The following MEF2A variants were observed in gnomAD, a reference collection of about 807,000 sequenced individuals.
MEF2A encodes myocyte enhancer factor 2A.
In MEF2A, 28 loss-of-function variants were observed where a neutral mutation model predicts 55.8. That is an observed-to-expected ratio of 0.50 (90% CI 0.37 to 0.69). The LOEUF (loss-of-function observed/expected upper bound fraction) is 0.69, where lower values mean the gene tolerates loss of function less well. Ranked by LOEUF, MEF2A falls within the 30% of genes least tolerant of loss-of-function variation. The probability of loss-of-function intolerance (pLI) is 0.00; values close to 1 mark genes in which losing one functional copy is unlikely to be tolerated. For missense variants in MEF2A, 528 were observed against 626.2 expected, an observed-to-expected ratio of 0.84 and a Z score of 1.67; for synonymous variants, 239 against 227.1, an observed-to-expected ratio of 1.05 and a Z score of -0.47.
chr15:99,568,090 C>T (rs1455098556), intron 1 of MEF2A, among the ~76,000 whole-genome samples: 2 of 152,110 alleles, frequency 1.3e-5, no homozygotes, highest in Non-Finnish European at 2.9e-5. Context: ...TTAATTCACA[C>T]TATGGTTATA....
At chr15:99,675,060 C>T (rs2051676594) in intron 6 of MEF2A, among the ~76,000 whole-genome samples, 1 of 152,140 alleles carries the variant, frequency 6.6e-6, no homozygotes, top group Non-Finnish European at 1.5e-5. Flanking sequence ...AATGCAGTGT[C>T]TCCTCTCTCT....
chr15:99,567,421 A>C (rs1487305206), intron 1 of MEF2A, among the ~76,000 whole-genome samples: 1 of 152,178 alleles, frequency 6.6e-6, no homozygotes, highest in Non-Finnish European at 1.5e-5. Context: ...CCCTTTAAGA[A>C]TCCAGCTGTG....
intron 2 of MEF2A, among the ~76,000 whole-genome samples, chr15:99,606,893 T>G (rs1975345290): frequency 1.3e-5 from 2 of 152,224 alleles, no homozygotes; most frequent in Admixed American, 1.3e-4. Context: ...GGTAGCTGTT[T>G]GTAATAGCCT....
chr15:99,640,240 A>G (rs1414119570), intron 3 of MEF2A, among the ~76,000 whole-genome samples: 1 of 152,198 alleles, frequency 6.6e-6, no homozygotes, highest in African/African-American at 2.4e-5. Flanking sequence ...ATTGAGACTT[A>G]TCAATAATTG....
intron 2 of MEF2A, among the ~76,000 whole-genome samples, chr15:99,601,807 TTGTGTGTGTGTGTGTGTGTGTGTGTGTG>T (rs56729766): frequency 2.2e-5 from 3 of 138,920 alleles, no homozygotes; most frequent in East Asian, 2.1e-4. Flanking sequence ...TTTGTCTGTT[TTGTGTGTGTGTGTGTGTGTGTGTGTGTG>T]TGTGTGTGTG....
At chr15:99,643,409 TATA>T (rs2045374721) in intron 3 of MEF2A, among the ~76,000 whole-genome samples, 1 of 152,178 alleles carries the variant, frequency 6.6e-6, no homozygotes, top group South Asian at 2.1e-4. Context: ...TATATTTTGT[TATA>T]ATCTAATCTT....
intron 2 of MEF2A, among the ~76,000 whole-genome samples, chr15:99,623,747 T>G (rs1363708458): frequency 1.3e-5 from 2 of 152,198 alleles, no homozygotes; most frequent in Non-Finnish European, 2.9e-5. Flanking sequence ...GGTTATGTTT[T>G]TGTTGAGTTT....
intron 4 of MEF2A, among the ~76,000 whole-genome samples, chr15:99,658,559 A>G (rs575339805): frequency 6.6e-6 from 1 of 152,070 alleles, no homozygotes; most frequent in Non-Finnish European, 1.5e-5. Context: ...AAAGCCCACC[A>G]TCCTTAGATT....
intron 9 of MEF2A, 102 bp downstream of exon 9, chr15:99,703,487 T>G: frequency 8.4e-7 from 1 of 1,185,214 alleles, no homozygotes; most frequent in Non-Finnish European, 1.2e-6. Flanking sequence ...TTACACAAAT[T>G]TTTTTAAACA....
At chr15:99,585,824 T>C (rs925816931) in intron 1 of MEF2A, among the ~76,000 whole-genome samples, 5 of 152,220 alleles carry the variant, frequency 3.3e-5, no homozygotes, top group Non-Finnish European at 5.9e-5. Flanking sequence ...ACAAAAATCT[T>C]TTAAATTATA....
At chr15:99,595,310 C>G (rs1021887620) in intron 1 of MEF2A, among the ~76,000 whole-genome samples, 5 of 152,116 alleles carry the variant, frequency 3.3e-5, no homozygotes, top group Non-Finnish European at 7.4e-5. Context: ...TAGGCTTTCC[C>G]TGGATGCATT....
At chr15:99,618,559 ATTC>A (rs1417242895) in intron 2 of MEF2A, among the ~76,000 whole-genome samples, 2 of 152,176 alleles carry the variant, frequency 1.3e-5, no homozygotes, top group Non-Finnish European at 2.9e-5. Context: ...ATTAGAGAAT[ATTC>A]TTCTTAGGAA....
intron 7 of MEF2A, among the ~76,000 whole-genome samples, chr15:99,684,561 T>G (rs1055398893): frequency 1.3e-5 from 2 of 152,198 alleles, no homozygotes; most frequent in Non-Finnish European, 2.9e-5. Context: ...GATGGGATTG[T>G]TTTTTTCTTG....
chr15:99,595,609 A>G (rs1946673703), intron 1 of MEF2A, among the ~76,000 whole-genome samples: 1 of 152,208 alleles, frequency 6.6e-6, no homozygotes, highest in Admixed American at 6.5e-5. Flanking sequence ...TTGGGGATAT[A>G]AAAAGAACAA....
At chr15:99,581,952 A>G (rs1966064446) in intron 1 of MEF2A, among the ~76,000 whole-genome samples, 1 of 152,122 alleles carries the variant, frequency 6.6e-6, no homozygotes, top group Non-Finnish European at 1.5e-5. Flanking sequence ...TGCTTGTTGG[A>G]CACAGTTTGG....
intron 2 of MEF2A, among the ~76,000 whole-genome samples, chr15:99,605,918 C>T (rs530067607): frequency 6.6e-6 from 1 of 152,066 alleles, no homozygotes; most frequent in Non-Finnish European, 1.5e-5. Context: ...TGCAGTGAGC[C>T]GAGATCATGC....
chr15:99,638,487 T>A (rs1317807524), intron 3 of MEF2A, among the ~76,000 whole-genome samples: 2 of 152,152 alleles, frequency 1.3e-5, no homozygotes, highest in South Asian at 2.1e-4. Flanking sequence ...TTTTTACTCT[T>A]TTTTTCTCTG....
rs1194570037 is a variant in MEF2A, at chr15:99,703,395, G to C, written c.882+10G>C. 1 of 1,598,492 alleles carries C rather than the reference G, an allele frequency of 6.3e-7. No homozygotes were observed. Among genetic ancestry groups the C allele is most frequent in the Admixed American group, 1.8e-5 (1 of 56,914 alleles). On this transcript the variant is annotated intron_variant, in intron 9 of 11. Coordinates refer to ENST00000557942, the MANE Select transcript of MEF2A (RefSeq NM_001319206.4). ...AGAGGAATTGGAGTTGGTGAGTGTG[G>C]GTTTCTGCTTGAAGGAAGTTGAAAA...
At chr15:99,660,586 G>A (rs993229669) in intron 4 of MEF2A, among the ~76,000 whole-genome samples, 1 of 152,158 alleles carries the variant, frequency 6.6e-6, no homozygotes, top group African/African-American at 2.4e-5. Flanking sequence ...CTCACACAGG[G>A]CTCACTGAGA....
Sources: gnomAD v4.1 joint callset for allele counts (sites outside exome capture counted in the v4.1 genomes callset) on GRCh38, gnomAD v4.1.1 for gene constraint, MANE v1.5 for transcripts, NCBI Gene and HGNC (gene_info 2026-07-23, HGNC 2026-07-21) for gene names.